Variants in CNBD1 observed in about 807,000 individuals in gnomAD.
CNBD1 encodes the protein cyclic nucleotide binding domain containing 1.
Under a neutral mutation model 54.4 loss-of-function variants are expected in CNBD1, and 71 were observed. The ratio of observed to expected loss-of-function variants is 1.30; its 90% CI spans 1.08 to 1.59. The LOEUF is 1.59. Ranked by LOEUF, CNBD1 falls within the 40% of genes most tolerant of loss-of-function variation. The pLI, the probability that CNBD1 is intolerant of heterozygous loss-of-function variation, is 0.00. For synonymous variants in CNBD1, 182 were observed against 170.7 expected (o/e 1.07, Z -0.51); for missense variants, 659 against 518.0 (o/e 1.27, Z -2.64).
At chr8:87,215,950 A>T (rs1814200778) in intron 5 of CNBD1, among the ~76,000 whole-genome samples, 1 of 152,120 alleles carries the variant, frequency 6.6e-6, no homozygotes, top group Non-Finnish European at 1.5e-5. Context: ...GGTTTTATTT[A>T]TTCTGAACAT....
intron 6 of CNBD1, among the ~76,000 whole-genome samples, chr8:87,239,647 A>G (rs1807652169): frequency 6.6e-6 from 1 of 152,170 alleles, no homozygotes; most frequent in African/African-American, 2.4e-5. Context: ...TTTGAGTATA[A>G]CAAACATAAG....
chr8:86,990,552 G>A (rs1808722274), intron 4 of CNBD1, among the ~76,000 whole-genome samples: 1 of 152,078 alleles, frequency 6.6e-6, no homozygotes, highest in Non-Finnish European at 1.5e-5. Flanking sequence ...TGGTCTATGT[G>A]TCTGCTTTTA....
At chr8:87,051,773 A>G (rs781231672) in intron 4 of CNBD1, among the ~76,000 whole-genome samples, 8 of 152,070 alleles carry the variant, frequency 5.3e-5, no homozygotes, top group African/African-American at 1.9e-4. Flanking sequence ...TAAACCCACA[A>G]CCTTCCAGCA....
At chr8:87,299,108 A>G (rs1034974368) in intron 8 of CNBD1, among the ~76,000 whole-genome samples, 2 of 152,298 alleles carry the variant, frequency 1.3e-5, no homozygotes, top group Non-Finnish European at 2.9e-5. Context: ...GTCTGAAGCA[A>G]CTGCCTGTGG....
intron 5 of CNBD1, among the ~76,000 whole-genome samples, chr8:87,233,922 T>G (rs1467290584): frequency 6.6e-6 from 1 of 152,240 alleles, no homozygotes; most frequent in Non-Finnish European, 1.5e-5. Flanking sequence ...TCTCAAACCC[T>G]GCCAACTGCT....
At chr8:87,114,727 C>T (rs1366633957) in intron 4 of CNBD1, among the ~76,000 whole-genome samples, 1 of 152,166 alleles carries the variant, frequency 6.6e-6, no homozygotes, top group African/African-American at 2.4e-5. Flanking sequence ...AGTACCGTGT[C>T]TGCTGTTCTT....
At chr8:86,939,446 A>G in intron 3 of CNBD1, 150 bp from the exon 4 acceptor site, 2 of 488,452 alleles carry the variant, frequency 4.1e-6, no homozygotes, top group Non-Finnish European at 7.3e-6. Context: ...TGGAGATTGA[A>G]ACATTCTAAT....
intron 8 of CNBD1, among the ~76,000 whole-genome samples, chr8:87,302,798 C>T (rs949406899): frequency 6.6e-6 from 1 of 151,954 alleles, no homozygotes; most frequent in African/African-American, 2.4e-5. Context: ...TCTCAGGTTA[C>T]AAAATCAATG....
chr8:87,200,635 C>T lies in CNBD1; in HGVS notation c.432-5358C>T, dbSNP rs187721087. Among the ~76,000 whole-genome samples the T allele has an allele frequency of 3.9e-4, 59 of 152,014 alleles. 2 individuals carry two copies. Among genetic ancestry groups the T allele is most frequent in the Admixed American group, 3.5e-3 (54 of 15,268 alleles). On this transcript the variant is annotated intron_variant, in intron 4 of 10. Transcript: ENST00000518476. ...ATTATACAGGAATCCTGTAATAAAC[C>T]GTATGCTAACAATGATGTAACCTAG...
intron 4 of CNBD1, among the ~76,000 whole-genome samples, chr8:87,055,510 T>C (rs1340412742): frequency 6.6e-6 from 1 of 152,042 alleles, no homozygotes; most frequent in Non-Finnish European, 1.5e-5. Context: ...AATGTTTTCC[T>C]GGGAGCCCAC....
intron 4 of CNBD1, among the ~76,000 whole-genome samples, chr8:86,964,809 C>A (rs1250797269): frequency 1.3e-5 from 2 of 152,198 alleles, no homozygotes; most frequent in African/African-American, 4.8e-5. Flanking sequence ...TTGACCCTTG[C>A]AGCCTCTCCT....
At chr8:86,952,026 C>G (rs963800525) in intron 4 of CNBD1, among the ~76,000 whole-genome samples, 3 of 152,180 alleles carry the variant, frequency 2.0e-5, no homozygotes, top group African/African-American at 7.2e-5. Context: ...AAATGCATAT[C>G]TAATTGCTTC....
intron 5 of CNBD1, among the ~76,000 whole-genome samples, chr8:87,229,422 A>C (rs539224058): frequency 6.6e-6 from 1 of 152,178 alleles, no homozygotes; most frequent in African/African-American, 2.4e-5. Flanking sequence ...ATTATTAACA[A>C]ATGTCTCTTT....
chr8:87,175,260 T>A (rs1454866968), intron 4 of CNBD1, among the ~76,000 whole-genome samples: 1 of 150,348 alleles, frequency 6.7e-6, no homozygotes, highest in Non-Finnish European at 1.5e-5. Flanking sequence ...GTATCTAAGG[T>A]GCAAGCAAAG....
In CNBD1 at chr8:87,180,881, AT is replaced by A. The variant is rs113753031; in HGVS notation, c.432-25106del. ...CAATATTGTTTGCAGCTCCACTCCT[AT>A]TTTTTATTGATTTTATTTGCTGTAA... is the stretch of plus-strand genomic sequence containing the variant. On this transcript the variant is annotated intron_variant, in intron 4 of 10. Transcript: ENST00000518476. Among the ~76,000 whole-genome samples, 475 of 152,208 alleles carry A rather than the reference AT, an allele frequency of 3.1e-3. 4 individuals are homozygous for A. Among genetic ancestry groups the A allele is most frequent in the African/African-American group, 0.011 (441 of 41,540 alleles).
chr8:87,082,021 G>A (rs997219825), intron 4 of CNBD1, among the ~76,000 whole-genome samples: 12 of 152,086 alleles, frequency 7.9e-5, no homozygotes, highest in African/African-American at 1.4e-4. Context: ...ACATAGCAGC[G>A]TCTTCTTGGT....
At chr8:87,426,291 G>T (rs961990568) in intron 2 of CNBD1, among the ~76,000 whole-genome samples, 1 of 152,190 alleles carries the variant, frequency 6.6e-6, no homozygotes, top group East Asian at 1.9e-4. Flanking sequence ...GCGTCGCTCA[G>T]GCTGGGAGCT....
intron 3 of CNBD1, among the ~76,000 whole-genome samples, chr8:86,926,411 A>C (rs979804578): frequency 6.6e-6 from 1 of 152,082 alleles, no homozygotes; most frequent in Non-Finnish European, 1.5e-5. Flanking sequence ...CAGTTGTAAG[A>C]CCATCTGTAG....
intron 8 of CNBD1, among the ~76,000 whole-genome samples, chr8:87,335,275 T>G (rs1461016850): frequency 1.3e-5 from 2 of 152,114 alleles, no homozygotes; most frequent in Non-Finnish European, 2.9e-5. Context: ...TTTTCTGTCT[T>G]GTTAATCTGT....
Sources: allele counts gnomAD v4.1 joint callset (sites outside exome capture counted in the v4.1 genomes callset), GRCh38; gene constraint gnomAD v4.1.1; transcripts MANE v1.5; gene names NCBI Gene and HGNC (gene_info 2026-07-23, HGNC 2026-07-21).